Variants in MARCHF8 observed in about 807,000 individuals in gnomAD.
MARCHF8 encodes the protein membrane associated ring-CH-type finger 8.
A neutral mutation model predicts 51.6 loss-of-function variants in MARCHF8; 40 were observed. That is an observed-to-expected ratio of 0.77 (90% CI 0.60 to 1.01). MARCHF8 has a LOEUF of 1.01. Ranked by LOEUF, MARCHF8 falls within the 50% of genes least tolerant of loss-of-function variation. The probability of loss-of-function intolerance (pLI) is 0.00; values close to 1 mark genes in which losing one functional copy is unlikely to be tolerated. For missense variants in MARCHF8, 685 were observed against 708.6 expected (o/e 0.97, Z 0.38); for synonymous variants, 263 against 280.3 (o/e 0.94, Z 0.62).
At chr10:45,594,385 A>C (rs200024641) in exon 1 of MARCHF8, 2 of 152,400 alleles carry the variant, frequency 1.3e-5, no homozygotes, top group Admixed American at 6.5e-5. Context: ...CCAACGTCTC[A>C]CAGCCGGTCA....
intron 1 of MARCHF8, among the ~76,000 whole-genome samples, chr10:45,591,078 C>T (rs1436663959): frequency 3.3e-5 from 5 of 152,168 alleles, no homozygotes; most frequent in African/African-American, 4.8e-5. Context: ...ACCCCTTGCC[C>T]GCAAAACATT....
chr10:45,511,928 C>T (rs2043517786), intron 2 of MARCHF8, among the ~76,000 whole-genome samples: 3 of 151,152 alleles, frequency 2.0e-5, no homozygotes, highest in South Asian at 4.2e-4. Flanking sequence ...GTGAGGAGCG[C>T]CTCTTCCTGG....
At chr10:45,588,795 G>A (rs12242611) in intron 1 of MARCHF8, among the ~76,000 whole-genome samples, 32,532 of 151,720 alleles carry the variant, frequency 0.21, 3,830 homozygotes, top group Admixed American at 0.29. Flanking sequence ...TCAAGAGATC[G>A]AGACCATCCT....
At chr10:45,555,134 G>A (rs751033151) in intron 1 of MARCHF8, among the ~76,000 whole-genome samples, 10 of 152,014 alleles carry the variant, frequency 6.6e-5, no homozygotes, top group Non-Finnish European at 1.3e-4. Flanking sequence ...GAGGCCAAGG[G>A]AAGAGAATCG....
intron 1 of MARCHF8, among the ~76,000 whole-genome samples, chr10:45,540,691 G>GA (rs2044040309): frequency 6.6e-6 from 1 of 152,114 alleles, no homozygotes; most frequent in African/African-American, 2.4e-5. Flanking sequence ...CTAATATCCA[G>GA]AATCTACAAT....
intron 1 of MARCHF8, among the ~76,000 whole-genome samples, chr10:45,551,505 G>A (rs1589170328): frequency 6.6e-6 from 1 of 151,998 alleles, no homozygotes; most frequent in South Asian, 2.1e-4. Context: ...CCAAGTATCT[G>A]GGACTATAGG....
At chr10:45,561,942 C>G (rs2044316403) in intron 1 of MARCHF8, among the ~76,000 whole-genome samples, 1 of 137,206 alleles carries the variant, frequency 7.3e-6, no homozygotes, top group African/African-American at 2.7e-5. Flanking sequence ...AATGAGCAAA[C>G]AACAAAGTAC....
rs117900423 is a variant in MARCHF8, at chr10:45,486,129, A to G, written c.153+3238T>C. The stretch of plus-strand genomic sequence containing the variant: ...CACTTTGCAACAGAATTTCACGTTG[A>G]CAGGTTAACCAGGAAGTTCTGTGAG... On this transcript the variant is annotated intron_variant, in intron 3 of 7. Transcript: ENST00000453424. 3.8e-3 allele frequency among the ~76,000 whole-genome samples: 576 copies of G among 152,316 alleles called. 12 individuals are homozygous for G. The East Asian group carries it at 0.053, about 14-fold the overall frequency.
chr10:45,570,895 A>G (rs1204167375), intron 1 of MARCHF8, among the ~76,000 whole-genome samples: 1 of 152,212 alleles, frequency 6.6e-6, no homozygotes, highest in Non-Finnish European at 1.5e-5. Flanking sequence ...TGGAAGCCCC[A>G]TATACTGAAA....
intron 1 of MARCHF8, among the ~76,000 whole-genome samples, chr10:45,577,864 T>A (rs963078136): frequency 5.3e-5 from 8 of 152,106 alleles, no homozygotes; most frequent in Admixed American, 3.3e-4. Context: ...CTACTAAAAA[T>A]TTTAAAAATA....
intron 3 of MARCHF8, among the ~76,000 whole-genome samples, chr10:45,473,923 T>C (rs1413459978): frequency 6.6e-6 from 1 of 152,190 alleles, no homozygotes; most frequent in Non-Finnish European, 1.5e-5. Context: ...CTCATCCTGG[T>C]TGGCTCCTTT....
intron 1 of MARCHF8, among the ~76,000 whole-genome samples, chr10:45,561,718 G>C (rs942019126): frequency 1.1e-4 from 16 of 150,382 alleles, no homozygotes; most frequent in African/African-American, 3.9e-4. Context: ...GGCTAACACG[G>C]TGAAACCCTG....
At chr10:45,583,388 T>C (rs1424723868) in intron 1 of MARCHF8, among the ~76,000 whole-genome samples, 1 of 152,110 alleles carries the variant, frequency 6.6e-6, no homozygotes, top group African/African-American at 2.4e-5. Flanking sequence ...AATACACCCA[T>C]AAATGTTCAA....
At chr10:45,587,332 A>G (rs1407520396) in intron 1 of MARCHF8, among the ~76,000 whole-genome samples, 4 of 152,294 alleles carry the variant, frequency 2.6e-5, no homozygotes, top group African/African-American at 7.2e-5. Flanking sequence ...TCCTATTTAC[A>G]ATGACATTAA....
In MARCHF8 at chr10:45,575,973, T is replaced by C. The variant is rs529091711; in HGVS notation, c.-79+18262A>G. Among the ~76,000 whole-genome samples the C allele has an allele frequency of 1.6e-4, 25 of 152,278 alleles. No individual in the cohort carries two copies. The South Asian group carries it at 5.2e-3, about 32-fold the overall frequency. Reference sequence around the variant, plus strand: ...AAATCCTATAAAATGGCCCCACCCCTTTCTCCCTTTGCTGACTCTTTTCGG... The same window carrying C: ...AAATCCTATAAAATGGCCCCACCCCCTTCTCCCTTTGCTGACTCTTTTCGG... On this transcript the variant is annotated intron_variant, in intron 1 of 6. Transcript: ENST00000319836.
At chr10:45,460,711 G>A (rs866527049) in intron 6 of MARCHF8, among the ~76,000 whole-genome samples, 3 of 152,232 alleles carry the variant, frequency 2.0e-5, no homozygotes, top group African/African-American at 2.4e-5. Flanking sequence ...AATGCCTGTG[G>A]GTCCTTTCTG....
chr10:45,540,895 C>T (rs1389553042), intron 1 of MARCHF8, among the ~76,000 whole-genome samples: 2 of 152,150 alleles, frequency 1.3e-5, no homozygotes, highest in Non-Finnish European at 2.9e-5. Context: ...GTTACAATGG[C>T]GATCATTAAA....
At chr10:45,501,228 T>G (rs2043274279) in intron 2 of MARCHF8, among the ~76,000 whole-genome samples, 1 of 151,422 alleles carries the variant, frequency 6.6e-6, no homozygotes, top group South Asian at 2.1e-4. Context: ...TCCTAAAGAA[T>G]CCTAAAAGAA....
rs761611918 is a variant in MARCHF8 at position 45,458,481 on chromosome 10, G to T, written c.1480C>A (p.Leu494Ile). Residue 494 changes from leucine to isoleucine, a missense_variant, in exon 8 of 8, where the codon CTT becomes ATT. By Grantham distance (5) the Leu-to-Ile change is conservative (BLOSUM62 2). Transcript: ENST00000453424. ...TTACACTGAACATACATAAAAAGAA[G>T]TCCTCCGGTGAAGCCGATGGCCACA... ...VVVAIGFTGG[L>I]LFMYVQCKVY... 8.7e-6 allele frequency: 14 copies of T among 1,612,530 alleles called. No individual in the cohort carries two copies. In the African/African-American group the frequency reaches 1.7e-4, roughly 20 times the overall value.
Sources: gnomAD v4.1 joint callset for allele counts (sites outside exome capture counted in the v4.1 genomes callset) on GRCh38, gnomAD v4.1.1 for gene constraint, MANE v1.5 for transcripts, NCBI Gene and HGNC (gene_info 2026-07-23, HGNC 2026-07-21) for gene names.